Variants in CDKAL1 observed in about 807,000 individuals in gnomAD.
CDKAL1 encodes the protein threonylcarbamoyladenosine tRNA methylthiotransferase.
Under a neutral mutation model 68.2 loss-of-function variants are expected in CDKAL1, and 32 were observed. The observed-to-expected ratio is 0.47, with a 90% CI of 0.35 to 0.63. The LOEUF is 0.63. Ranked by LOEUF, CDKAL1 falls within the 30% of genes least tolerant of loss-of-function variation. The probability of loss-of-function intolerance (pLI) is 0.00; values close to 1 mark genes in which losing one functional copy is unlikely to be tolerated. For missense variants in CDKAL1, 606 were observed against 696.7 expected, an observed-to-expected ratio of 0.87 and a Z score of 1.47; for synonymous variants, 234 against 244.3, an observed-to-expected ratio of 0.96 and a Z score of 0.39.
intron 4 of CDKAL1, among the ~76,000 whole-genome samples, chr6:20,628,643 AC>A (rs2127739551): frequency 7.8e-6 from 1 of 128,314 alleles, no homozygotes; most frequent in South Asian, 2.7e-4. Context: ...CATAAAACCA[AC>A]CCTTATTTTA....
intron 15 of CDKAL1, among the ~76,000 whole-genome samples, chr6:21,208,236 G>A (rs373250031): frequency 9.2e-5 from 14 of 152,092 alleles, no homozygotes; most frequent in Non-Finnish European, 1.8e-4. Context: ...TTAAAGGGTG[G>A]CATGGTTTGC....
chr6:20,764,965 A>T (rs1162453197), intron 7 of CDKAL1, among the ~76,000 whole-genome samples: 1 of 152,156 alleles, frequency 6.6e-6, no homozygotes, highest in Non-Finnish European at 1.5e-5. Flanking sequence ...TCATCGGTGT[A>T]AGTAAATACA....
At chr6:21,132,729 C>T (rs1322820144) in intron 13 of CDKAL1, among the ~76,000 whole-genome samples, 1 of 151,938 alleles carries the variant, frequency 6.6e-6, no homozygotes, top group Non-Finnish European at 1.5e-5. Context: ...CATGATTTTG[C>T]TGTATTACTC....
chr6:20,967,576 C>T (rs973424537), intron 10 of CDKAL1, among the ~76,000 whole-genome samples: 7 of 152,164 alleles, frequency 4.6e-5, no homozygotes, highest in African/African-American at 1.4e-4. Flanking sequence ...AGTGTATGCT[C>T]AGTAGCACAG....
intron 8 of CDKAL1, among the ~76,000 whole-genome samples, chr6:20,840,704 G>C (rs911631725): frequency 2.0e-5 from 3 of 152,154 alleles, no homozygotes; most frequent in Admixed American, 6.5e-5. Flanking sequence ...TGACAAACAG[G>C]TATTATGTTA....
At chr6:20,565,950 T>G (rs562381931) in intron 4 of CDKAL1, among the ~76,000 whole-genome samples, 28 of 152,242 alleles carry the variant, frequency 1.8e-4, no homozygotes, top group Non-Finnish European at 3.4e-4. Context: ...CAGATTTTTG[T>G]GGGAAAATTA....
chr6:20,954,818 A>C (rs909630667), intron 9 of CDKAL1, among the ~76,000 whole-genome samples: 2 of 152,362 alleles, frequency 1.3e-5, no homozygotes, highest in East Asian at 3.9e-4. Flanking sequence ...GTCAGTAAAC[A>C]GGTTTTCCAA....
In CDKAL1 at chr6:20,889,088, T is replaced by C. The variant is rs1226605436; in HGVS notation, c.742+42910T>C. ...CTAACTGGTGTGAGATGGTATCTCA[T>C]TGTGGTTTTGGTTTGCATTTCTCTG... On this transcript the variant is annotated intron_variant, in intron 9 of 15. Coordinates refer to ENST00000274695, the MANE Select transcript of CDKAL1 (RefSeq NM_017774.3). 2.6e-5 allele frequency among the ~76,000 whole-genome samples: 4 copies of C among 152,320 alleles called. No homozygotes were observed. The East Asian group carries it at 5.8e-4, about 22-fold the overall frequency.
chr6:20,590,021 C>T (rs115468488), intron 4 of CDKAL1, among the ~76,000 whole-genome samples: 1,691 of 152,178 alleles, frequency 0.011, 28 homozygotes, highest in African/African-American at 0.037. Context: ...GTGCTTATTC[C>T]ATATGACAGT....
chr6:20,549,331 A>C (rs970001567), intron 4 of CDKAL1, among the ~76,000 whole-genome samples: 1 of 152,080 alleles, frequency 6.6e-6, no homozygotes, highest in Non-Finnish European at 1.5e-5. Context: ...AAGCGATACT[A>C]TATTTTTCTC....
At chr6:20,931,574 G>A (rs2150674977) in intron 9 of CDKAL1, among the ~76,000 whole-genome samples, 1 of 152,234 alleles carries the variant, frequency 6.6e-6, no homozygotes, top group Middle Eastern at 3.4e-3. Flanking sequence ...TGTCTCCGTG[G>A]CATGTGATTA....
chr6:20,904,787 C>T (rs972896318), intron 9 of CDKAL1, among the ~76,000 whole-genome samples: 25 of 105,498 alleles, frequency 2.4e-4, no homozygotes, highest in African/African-American at 1.1e-3. Context: ...AAAACTCCAT[C>T]TCAAGAAAAA....
intron 8 of CDKAL1, among the ~76,000 whole-genome samples, chr6:20,832,019 G>A (rs539091428): frequency 6.6e-5 from 10 of 152,210 alleles, no homozygotes; most frequent in East Asian, 1.9e-4. Flanking sequence ...TTGAACCACC[G>A]CTGCGCTGTC....
intron 8 of CDKAL1, among the ~76,000 whole-genome samples, chr6:20,840,350 C>T (rs577424125): frequency 1.5e-4 from 23 of 152,036 alleles, no homozygotes; most frequent in Non-Finnish European, 2.6e-4. Flanking sequence ...ATAATTCTTT[C>T]AAGTAAAGTG....
At chr6:20,650,037 A>G (rs1220939554) in intron 5 of CDKAL1, among the ~76,000 whole-genome samples, 2 of 152,180 alleles carry the variant, frequency 1.3e-5, no homozygotes, top group Non-Finnish European at 2.9e-5. Flanking sequence ...GTGTGCATGT[A>G]TCTTTTTAAT....
chr6:21,215,904 T>C (rs1322526263), intron 15 of CDKAL1, among the ~76,000 whole-genome samples: 1 of 152,210 alleles, frequency 6.6e-6, no homozygotes, highest in East Asian at 1.9e-4. Flanking sequence ...TTAAATTTGC[T>C]CATCAGCTGC....
At chr6:21,081,952 C>T (rs1335015538) in intron 12 of CDKAL1, among the ~76,000 whole-genome samples, 1 of 149,634 alleles carries the variant, frequency 6.7e-6, no homozygotes, top group African/African-American at 2.5e-5. Flanking sequence ...ATATTTATAA[C>T]GTTCCAAAGG....
chr6:21,061,814 G>A (rs1484463245), intron 11 of CDKAL1, among the ~76,000 whole-genome samples: 1 of 152,134 alleles, frequency 6.6e-6, no homozygotes, highest in Non-Finnish European at 1.5e-5. Context: ...TCACATTAAA[G>A]TGCAGTCTCT....
chr6:20,711,438 A>G (rs1771841632), intron 5 of CDKAL1, among the ~76,000 whole-genome samples: 1 of 152,224 alleles, frequency 6.6e-6, no homozygotes, highest in Non-Finnish European at 1.5e-5. Flanking sequence ...GAGTCAGAAG[A>G]CAAATTGGAA....
Sources: gnomAD v4.1 joint callset for allele counts (sites outside exome capture counted in the v4.1 genomes callset) on GRCh38, gnomAD v4.1.1 for gene constraint, MANE v1.5 for transcripts, NCBI Gene and HGNC (gene_info 2026-07-23, HGNC 2026-07-21) for gene names.